PDHX: variants seen among roughly 807,000 people sequenced by gnomAD.
The protein encoded by PDHX is pyruvate dehydrogenase complex component X, also known as pyruvate dehydrogenase protein X component, mitochondrial.
A neutral mutation model predicts 55.3 loss-of-function variants in PDHX; 33 were observed. That is an observed-to-expected ratio of 0.60 (90% CI 0.45 to 0.80). The LOEUF (loss-of-function observed/expected upper bound fraction) is 0.80, where lower values mean the gene tolerates loss of function less well. PDHX is among the 30% of genes least tolerant of loss of function. The pLI is 0.00. For synonymous variants in PDHX, 226 were observed against 219.4 expected (o/e 1.03, Z -0.27); for missense variants, 622 against 619.9 (o/e 1.00, Z -0.04).
At chr11:34,963,646 A>G (rs1246278400) in intron 5 of PDHX, among the ~76,000 whole-genome samples, 1 of 152,188 alleles carries the variant, frequency 6.6e-6, no homozygotes, top group African/African-American at 2.4e-5. Flanking sequence ...GGGTAGAAAA[A>G]TCAGTTCCAA....
At chr11:34,919,200 C>T (rs549697470) in intron 1 of PDHX, among the ~76,000 whole-genome samples, 11 of 152,314 alleles carry the variant, frequency 7.2e-5, no homozygotes, top group South Asian at 2.1e-4. Context: ...ATATCCGCTT[C>T]TGACTTTCAC....
chr11:34,984,938 A>C lies in PDHX; in HGVS notation c.1182+210A>C. 5.8e-6 allele frequency: 3 copies of C among 515,714 alleles called. 1 individual carries two copies. The highest frequency in any genetic ancestry group is 2.3e-5 in the South Asian group (1 of 42,686). 31.9% of individuals were successfully genotyped at this position (515,714 alleles called of 1,614,324 possible). A position where few individuals can be genotyped will look rare whatever the true frequency, so the allele number is the denominator to read the frequency against. ...ATTGTAAGAAAATTTAATATTCAAA[A>C]ATTAAGAGATAATATATAAACAAAT... On this transcript the variant is annotated intron_variant, in intron 9 of 10. Transcript: ENST00000227868.
At chr11:34,926,296 T>A (rs1854018120) in intron 1 of PDHX, among the ~76,000 whole-genome samples, 1 of 152,230 alleles carries the variant, frequency 6.6e-6, no homozygotes, top group African/African-American at 2.4e-5. Context: ...ATTGTTTCAT[T>A]TGAACAGCAA....
At chr11:34,922,535 C>T (rs1041850038) in intron 1 of PDHX, among the ~76,000 whole-genome samples, 12 of 152,322 alleles carry the variant, frequency 7.9e-5, no homozygotes, top group Middle Eastern at 3.4e-3. Flanking sequence ...TTCAGCAGAA[C>T]AGTGTCAGCA....
intron 7 of PDHX, among the ~76,000 whole-genome samples, chr11:34,977,051 G>A (rs1855394909): frequency 6.6e-6 from 1 of 152,098 alleles, no homozygotes; most frequent in South Asian, 2.1e-4. Flanking sequence ...ATATATTTCT[G>A]GAATTCTGAA....
chr11:34,972,926 T>G (rs1855287367), intron 7 of PDHX, among the ~76,000 whole-genome samples: 1 of 152,214 alleles, frequency 6.6e-6, no homozygotes, highest in South Asian at 2.1e-4. Flanking sequence ...TAGTATGGTC[T>G]GTCTTGGTAT....
At chr11:34,969,337 G>GT (rs1025550595) in intron 6 of PDHX, among the ~76,000 whole-genome samples, 5 of 149,312 alleles carry the variant, frequency 3.3e-5, no homozygotes, top group African/African-American at 4.9e-5. Flanking sequence ...ATTTCAGGTG[G>GT]TTTTTTTTCT....
At chr11:34,986,852 C>T (rs1855657065) in intron 9 of PDHX, among the ~76,000 whole-genome samples, 1 of 152,202 alleles carries the variant, frequency 6.6e-6, no homozygotes, top group Non-Finnish European at 1.5e-5. Flanking sequence ...TGAGCTATGG[C>T]TGCCCGTTAG....
intron 2 of PDHX, among the ~76,000 whole-genome samples, chr11:34,942,735 A>G (rs1854517833): frequency 6.6e-6 from 1 of 152,152 alleles, no homozygotes; most frequent in Non-Finnish European, 1.5e-5. Flanking sequence ...CATACGTAAT[A>G]TTACTATGTT....
Position 34,948,074 on chromosome 11 carries a change from A to G in PDHX, c.342+468A>G, listed in dbSNP as rs578170834. On this transcript the variant is annotated intron_variant, in intron 3 of 10. Transcript: ENST00000227868. ...AGTTCTGCCAGTTATTAGTTACGTA[A>G]TGATAAGCAAATTCTTCATCCCCTG... Among the ~76,000 whole-genome samples, 814 of 152,316 alleles carry G rather than the reference A, an allele frequency of 5.3e-3. 4 individuals are homozygous for G. Among genetic ancestry groups the G allele is most frequent in the Non-Finnish European group, 8.7e-3 (592 of 68,020 alleles).
At chr11:34,920,520 T>C (rs1022873327) in intron 1 of PDHX, among the ~76,000 whole-genome samples, 3 of 152,214 alleles carry the variant, frequency 2.0e-5, no homozygotes, top group African/African-American at 4.8e-5. Flanking sequence ...GAAAAACTTA[T>C]GGCAAAATTT....
At chr11:34,989,324 TG>T (rs1855712765) in intron 9 of PDHX, among the ~76,000 whole-genome samples, 1 of 152,166 alleles carries the variant, frequency 6.6e-6, no homozygotes, top group Non-Finnish European at 1.5e-5. Context: ...GCACCTACTG[TG>T]GGTCTTTGAA....
At chr11:34,939,502 T>TGCGC (rs904589635) in intron 2 of PDHX, among the ~76,000 whole-genome samples, 1 of 107,144 alleles carries the variant, frequency 9.3e-6, no homozygotes, top group African/African-American at 3.4e-5. Context: ...TGTGTGTGTG[T>TGCGC]GTGCACTTGC....
chr11:34,928,030 A>G (rs1854064366), intron 1 of PDHX, among the ~76,000 whole-genome samples: 1 of 152,138 alleles, frequency 6.6e-6, no homozygotes, highest in Non-Finnish European at 1.5e-5. Context: ...AAAGATAATA[A>G]TAAATGCAGA....
intron 10 of PDHX, among the ~76,000 whole-genome samples, chr11:34,994,587 C>CCTG (rs1855819593): frequency 1.3e-5 from 2 of 152,092 alleles, no homozygotes; most frequent in African/African-American, 4.8e-5. Flanking sequence ...TCCTGAGCTC[C>CCTG]ATTATAATCT....
At chr11:34,966,288 G>T (rs1855129240) in intron 5 of PDHX, among the ~76,000 whole-genome samples, 1 of 152,124 alleles carries the variant, frequency 6.6e-6, no homozygotes, top group Non-Finnish European at 1.5e-5. Flanking sequence ...ATTATTTCAT[G>T]AGTATAAAGG....
At chr11:34,988,078 C>T (rs1032773623) in intron 9 of PDHX, among the ~76,000 whole-genome samples, 2 of 152,088 alleles carry the variant, frequency 1.3e-5, no homozygotes, top group African/African-American at 4.8e-5. Context: ...TGTATTTAAA[C>T]AGATAAAATT....
upstream of PDHX, chr11:34,916,588 G>T: frequency 1.3e-6 from 2 of 1,584,088 alleles, no homozygotes; most frequent in South Asian, 1.1e-5. Context: ...GGCCAACCAT[G>T]CGGGAGGCGG....
chr11:34,991,892 AGAGT>A (rs1855764295), intron 9 of PDHX, among the ~76,000 whole-genome samples: 2 of 145,270 alleles, frequency 1.4e-5, no homozygotes, highest in Admixed American at 7.0e-5. Flanking sequence ...CCAGGGCAAC[AGAGT>A]GAGACTTCTC....
Sources: gnomAD v4.1 joint callset for allele counts (sites outside exome capture counted in the v4.1 genomes callset) on GRCh38, gnomAD v4.1.1 for gene constraint, MANE v1.5 for transcripts, NCBI Gene and HGNC (gene_info 2026-07-23, HGNC 2026-07-21) for gene names.